SGCZ: variants seen among roughly 807,000 people sequenced by gnomAD.
SGCZ encodes sarcoglycan zeta, also known as zeta-sarcoglycan.
A neutral mutation model predicts 41.3 loss-of-function variants in SGCZ; 40 were observed. That is an observed-to-expected ratio of 0.97 (90% CI 0.75 to 1.26). The LOEUF is 1.26. Among genes scored for constraint, SGCZ ranks in the 50% most tolerant of loss-of-function variants. SGCZ has a pLI of 0.00. For missense variants in SGCZ, 552 were observed against 369.8 expected, an observed-to-expected ratio of 1.49 and a Z score of -4.04; for synonymous variants, 206 against 137.5, an observed-to-expected ratio of 1.50 and a Z score of -3.49.
intron 2 of SGCZ, among the ~76,000 whole-genome samples, chr8:14,549,671 T>G (rs13253156): frequency 0.27 from 41,694 of 151,948 alleles, 7,216 homozygotes; most frequent in Non-Finnish European, 0.39. Context: ...GAGGTACATA[T>G]TTGGATGAAC....
At chr8:14,966,396 A>T (rs1360984169) in intron 1 of SGCZ, among the ~76,000 whole-genome samples, 2 of 151,850 alleles carry the variant, frequency 1.3e-5, no homozygotes, top group East Asian at 3.9e-4. Flanking sequence ...GTCCCATCAA[A>T]TAACTACATG....
chr8:14,888,941 T>C (rs1024302463), intron 1 of SGCZ, among the ~76,000 whole-genome samples: 9 of 152,162 alleles, frequency 5.9e-5, no homozygotes, highest in Non-Finnish European at 1.0e-4. Context: ...TTGGTGCATA[T>C]TTCAAATAAA....
At chr8:14,978,636 C>A (rs1213487890) in intron 1 of SGCZ, among the ~76,000 whole-genome samples, 1 of 152,014 alleles carries the variant, frequency 6.6e-6, no homozygotes, top group African/African-American at 2.4e-5. Context: ...CCAACTTCCA[C>A]TAGGCCTGAA....
intron 4 of SGCZ, among the ~76,000 whole-genome samples, chr8:14,177,081 G>A (rs1804565512): frequency 6.6e-6 from 1 of 152,138 alleles, no homozygotes; most frequent in South Asian, 2.1e-4. Flanking sequence ...GAGTCACTGG[G>A]AAGGAGCATC....
At chr8:14,556,935 C>T (rs1261271854) in intron 1 of SGCZ, among the ~76,000 whole-genome samples, 1 of 151,916 alleles carries the variant, frequency 6.6e-6, no homozygotes, top group Non-Finnish European at 1.5e-5. Context: ...TTCTTTTACT[C>T]TGGGTAGGTA....
At chr8:14,357,581 G>C (rs909194956) in intron 2 of SGCZ, among the ~76,000 whole-genome samples, 1 of 152,076 alleles carries the variant, frequency 6.6e-6, no homozygotes, top group Non-Finnish European at 1.5e-5. Flanking sequence ...AAAGGGACTC[G>C]CTACCTCCAC....
intron 1 of SGCZ, among the ~76,000 whole-genome samples, chr8:14,896,797 GAC>G (rs1805216748): frequency 7.0e-6 from 1 of 143,846 alleles, no homozygotes; most frequent in Non-Finnish European, 1.5e-5. Flanking sequence ...TTCTTTTTTT[GAC>G]ACAGAGTCTT....
In SGCZ at chr8:14,192,240, C is replaced by T. The variant is rs886306063; in HGVS notation, c.425-27538G>A. ...TTTATTTAGCAATTATTATGCTTACCAAATTTTTGCATTTGAAATAAAGAT... is the reference window on the plus strand; with the variant it reads ...TTTATTTAGCAATTATTATGCTTACTAAATTTTTGCATTTGAAATAAAGAT... On this transcript the variant is annotated intron_variant, in intron 4 of 7. Transcript: ENST00000382080. 2.0e-5 allele frequency among the ~76,000 whole-genome samples: 3 copies of T among 151,730 alleles called. No homozygotes were observed. The South Asian group carries it at 6.2e-4, about 32-fold the overall frequency.
At chr8:14,336,704 T>A (rs1802518368) in intron 2 of SGCZ, among the ~76,000 whole-genome samples, 1 of 152,170 alleles carries the variant, frequency 6.6e-6, no homozygotes, top group Admixed American at 6.6e-5. Context: ...TCTTTTGAAT[T>A]TGAGACAAAG....
chr8:14,564,561 T>C (rs772296484), intron 1 of SGCZ, among the ~76,000 whole-genome samples: 5 of 152,196 alleles, frequency 3.3e-5, no homozygotes, highest in Non-Finnish European at 7.3e-5. Flanking sequence ...GATGTTAAAG[T>C]ACTCTTTTCA....
At chr8:14,092,404 T>C (rs950620193) in intron 7 of SGCZ, among the ~76,000 whole-genome samples, 2 of 152,112 alleles carry the variant, frequency 1.3e-5, no homozygotes, top group African/African-American at 4.8e-5. Flanking sequence ...TAAATTACTT[T>C]GGGCAGTATG....
At chr8:14,497,290 G>A (rs1214602339) in intron 2 of SGCZ, among the ~76,000 whole-genome samples, 3 of 152,180 alleles carry the variant, frequency 2.0e-5, no homozygotes, top group Non-Finnish European at 4.4e-5. Flanking sequence ...ATGGAAGAAG[G>A]TGAAGGGGAG....
rs938088035 is a variant in SGCZ at position 14,726,485 on chromosome 8, A to G, written c.40-171559T>C. ...ACAAAAGCTGTTTATATATATTTCA[A>G]AAAACAACATTTTAGATGGAAAATG... is the stretch of plus-strand genomic sequence containing the variant. On this transcript the variant is annotated intron_variant, in intron 1 of 7. Transcript: ENST00000382080. Among the ~76,000 whole-genome samples the G allele has an allele frequency of 1.0e-3, 157 of 151,696 alleles. 2 individuals carry two copies. Among genetic ancestry groups the G allele is most frequent in the African/African-American group, 3.6e-3 (151 of 41,472 alleles).
At chr8:15,072,751 C>A (rs1805401011) in intron 1 of SGCZ, among the ~76,000 whole-genome samples, 1 of 152,160 alleles carries the variant, frequency 6.6e-6, no homozygotes, top group African/African-American at 2.4e-5. Flanking sequence ...ATTTCATACA[C>A]TTGATAATTT....
chr8:15,153,186 C>T (rs887008946), intron 1 of SGCZ, among the ~76,000 whole-genome samples: 4 of 152,106 alleles, frequency 2.6e-5, no homozygotes, highest in Admixed American at 6.6e-5. Context: ...TTACACATAA[C>T]GGGTAGCTAA....
intron 1 of SGCZ, among the ~76,000 whole-genome samples, chr8:14,766,434 T>C (rs1338260876): frequency 1.3e-5 from 2 of 152,144 alleles, no homozygotes; most frequent in African/African-American, 2.4e-5. Flanking sequence ...GTCTTAAAGA[T>C]AGGATTATAT....
intron 5 of SGCZ, among the ~76,000 whole-genome samples, chr8:14,143,155 G>A (rs190327058): frequency 2.0e-5 from 3 of 152,094 alleles, no homozygotes; most frequent in Admixed American, 2.0e-4. Context: ...AGAAATAAAG[G>A]AGACCTTTCT....
intron 1 of SGCZ, among the ~76,000 whole-genome samples, chr8:14,558,613 A>AGAGAGAGAGAGAG (rs59852253): frequency 1.2e-3 from 183 of 148,460 alleles, no homozygotes; most frequent in South Asian, 3.0e-3. Flanking sequence ...AGAGAGAGAG[A>AGAGAGAGAGAGAG]ATCTTCCATA....
In SGCZ at chr8:14,193,762, C is replaced by T. The variant is rs115207204; in HGVS notation, c.425-29060G>A. Among the ~76,000 whole-genome samples, 610 of 151,646 alleles carry T rather than the reference C, an allele frequency of 4.0e-3. 4 individuals carry two copies. Among genetic ancestry groups the T allele is most frequent in the African/African-American group, 0.014 (578 of 41,498 alleles). On this transcript the variant is annotated intron_variant, in intron 4 of 7. Transcript: ENST00000382080. ...TTATCTAACTTGTCTGAATGTCTAG[C>T]TTGTCACCCTTGTCCAGTCCAACAT...
Sources: allele counts gnomAD v4.1 joint callset (sites outside exome capture counted in the v4.1 genomes callset), GRCh38; gene constraint gnomAD v4.1.1; transcripts MANE v1.5; gene names NCBI Gene and HGNC (gene_info 2026-07-23, HGNC 2026-07-21).